The following TENM3 variants were observed in gnomAD, a reference collection of about 807,000 sequenced individuals.
The protein encoded by TENM3 is teneurin-3.
In TENM3, 63 loss-of-function variants were observed where a neutral mutation model predicts 255.1. That is an observed-to-expected ratio of 0.25 (90% CI 0.20 to 0.30). The LOEUF is 0.30. Among genes scored for constraint, TENM3 ranks in the 10% least tolerant of loss-of-function variants. The pLI is 1.00. For missense variants in TENM3, 2,929 were observed against 3,461.1 expected, an observed-to-expected ratio of 0.85 and a Z score of 3.86; for synonymous variants, 1,306 against 1,322.3, an observed-to-expected ratio of 0.99 and a Z score of 0.27.
chr4:181,945,411 A>G, the TENM3 span, among the ~76,000 whole-genome samples: 4 of 152,030 alleles, frequency 2.6e-5, no homozygotes, highest in Non-Finnish European at 5.9e-5. Flanking sequence ...GCACGTGGGG[A>G]CGTAGGAATG....
chr4:182,028,656 T>C, the TENM3 span, among the ~76,000 whole-genome samples: 3 of 152,208 alleles, frequency 2.0e-5, no homozygotes, highest in South Asian at 6.2e-4. Flanking sequence ...CCACTATCAT[T>C]TGTTTCAAGA....
intron 6 of TENM3, among the ~76,000 whole-genome samples, chr4:182,658,478 T>G (rs1016847999): frequency 2.0e-5 from 3 of 152,314 alleles, no homozygotes. Flanking sequence ...GCTCCAGATC[T>G]CAACTACATA....
the TENM3 span, among the ~76,000 whole-genome samples, chr4:182,092,033 T>C: frequency 6.6e-6 from 1 of 152,164 alleles, no homozygotes; most frequent in African/African-American, 2.4e-5. Context: ...TTTTTGAGGA[T>C]GCACAAGAAC....
At chr4:182,529,365 G>C (rs947136211) in intron 3 of TENM3, among the ~76,000 whole-genome samples, 1 of 152,142 alleles carries the variant, frequency 6.6e-6, no homozygotes, top group African/African-American at 2.4e-5. Context: ...AGTATAAAAA[G>C]TGTTCAACAT....
chr4:181,578,926 TG>T, the TENM3 span, among the ~76,000 whole-genome samples: 1 of 152,022 alleles, frequency 6.6e-6, no homozygotes, highest in East Asian at 1.9e-4. Flanking sequence ...TTTTGGTAGG[TG>T]GGGAAGGGGG....
intron 3 of TENM3, among the ~76,000 whole-genome samples, chr4:182,451,374 T>G (rs186127570): frequency 6.6e-6 from 1 of 152,310 alleles, no homozygotes; most frequent in Admixed American, 6.5e-5. Flanking sequence ...GTAATATCCT[T>G]GTCTAAACAT....
chr4:182,480,851 A>G (rs1734128611), intron 3 of TENM3, among the ~76,000 whole-genome samples: 1 of 152,102 alleles, frequency 6.6e-6, no homozygotes, highest in Non-Finnish European at 1.5e-5. Context: ...GTCAAATCTG[A>G]ACTGACATAT....
At chr4:181,520,385 C>A in the TENM3 span, among the ~76,000 whole-genome samples, 14,058 of 152,086 alleles carry the variant, frequency 0.092, 725 homozygotes, top group East Asian at 0.2. Flanking sequence ...ACTCTTTCAC[C>A]TTTGCAACTG....
intron 2 of TENM3, among the ~76,000 whole-genome samples, chr4:182,340,756 C>A (rs143658125): frequency 6.6e-6 from 1 of 152,304 alleles, no homozygotes; most frequent in African/African-American, 2.4e-5. Flanking sequence ...GCCACTGATT[C>A]AACAAGCACC....
chr4:182,040,981 C>T, the TENM3 span, among the ~76,000 whole-genome samples: 1 of 152,158 alleles, frequency 6.6e-6, no homozygotes, highest in Admixed American at 6.6e-5. Context: ...TTTACTTTTG[C>T]TGTGACTGTG....
chr4:182,774,615 T>C (rs575419934), intron 23 of TENM3, among the ~76,000 whole-genome samples: 72 of 152,254 alleles, frequency 4.7e-4, no homozygotes, highest in South Asian at 8.3e-4. Context: ...TTACAAAATA[T>C]TTACTTAGTG....
At chr4:181,533,888 C>T in the TENM3 span, among the ~76,000 whole-genome samples, 1 of 152,160 alleles carries the variant, frequency 6.6e-6, no homozygotes, top group African/African-American at 2.4e-5. Context: ...ACAACTTTAA[C>T]CAGTGCTATT....
chr4:181,808,976 C>T, the TENM3 span, among the ~76,000 whole-genome samples: 1 of 152,158 alleles, frequency 6.6e-6, no homozygotes, highest in African/African-American at 2.4e-5. Flanking sequence ...TTCTGTTTTG[C>T]AAGCGGGGGT....
chr4:182,367,466 G>C (rs1012887324), intron 3 of TENM3, among the ~76,000 whole-genome samples: 7 of 152,174 alleles, frequency 4.6e-5, no homozygotes, highest in African/African-American at 7.2e-5. Context: ...ATTACGATGA[G>C]CTTGGAATTG....
At chr4:181,948,002 GA>G in the TENM3 span, among the ~76,000 whole-genome samples, 41 of 150,944 alleles carry the variant, frequency 2.7e-4, no homozygotes, top group African/African-American at 4.9e-4. Context: ...TTGGGAAGGG[GA>G]AAAAAAAATA....
Position 182,751,807 on chromosome 4 carries a change from C to A in TENM3, c.3637C>A (p.Pro1213Thr). Reference protein sequence around the residue: ...VTSVLELSSNPAHRYYLATDP... With the variant: ...VTSVLELSSNTAHRYYLATDP... ...CTATGATCCTTTTCACAGCAGCAACCCAGCTCATAGATACTACCTTGCAAC... is the reference window on the plus strand; with the variant it reads ...CTATGATCCTTTTCACAGCAGCAACACAGCTCATAGATACTACCTTGCAAC... The change falls in exon 20 of 28, where the codon CCA (proline) becomes ACA (threonine). Residue 1213 changes from proline (P) to threonine (T), a missense_variant. By Grantham distance (38) the Pro-to-Thr change is conservative. Transcript: ENST00000511685. 1 of 1,612,902 alleles carries A rather than the reference C, an allele frequency of 6.2e-7. No individual in the cohort carries two copies. The highest frequency in any genetic ancestry group is 1.1e-5 in the South Asian group (1 of 91,074).
At chr4:182,028,865 GTGGTCTA>G in the TENM3 span, among the ~76,000 whole-genome samples, 7,932 of 152,144 alleles carry the variant, frequency 0.052, 656 homozygotes, top group African/African-American at 0.18. Context: ...GACTTAACAT[GTGGTCTA>G]TCCATGAGAA....
the TENM3 span, among the ~76,000 whole-genome samples, chr4:181,683,940 G>C: frequency 6.6e-6 from 1 of 152,160 alleles, no homozygotes; most frequent in African/African-American, 2.4e-5. Flanking sequence ...TCCTTATGAA[G>C]TCTTCATGAG....
At chr4:182,439,496 C>T (rs1772301861) in intron 3 of TENM3, among the ~76,000 whole-genome samples, 1 of 152,148 alleles carries the variant, frequency 6.6e-6, no homozygotes, top group Non-Finnish European at 1.5e-5. Flanking sequence ...CTAGGGATGT[C>T]CTGTGACGAT....
Sources: allele counts gnomAD v4.1 joint callset (sites outside exome capture counted in the v4.1 genomes callset), GRCh38; gene constraint gnomAD v4.1.1; transcripts MANE v1.5; gene names NCBI Gene and HGNC (gene_info 2026-07-23, HGNC 2026-07-21).